The following MYSM1 variants were observed in gnomAD, a reference collection of about 807,000 sequenced individuals.
MYSM1 encodes the protein deubiquitinase MYSM1.
In MYSM1, 51 loss-of-function variants were observed where a neutral mutation model predicts 116.0. The ratio of observed to expected loss-of-function variants is 0.44; its 90% CI spans 0.35 to 0.56. The LOEUF is 0.56. Among genes scored for constraint, MYSM1 ranks in the 20% least tolerant of loss-of-function variants. MYSM1 has a pLI of 0.00. For missense variants in MYSM1, 900 were observed against 974.9 expected, an observed-to-expected ratio of 0.92 and a Z score of 1.02; for synonymous variants, 313 against 315.2, an observed-to-expected ratio of 0.99 and a Z score of 0.07.
rs12144611 is a variant in MYSM1 at position 58,695,461 on chromosome 1, G to A, written c.69-254C>T. ...TGACTGCTCACTTCTTTTGGTTCTCGAGAATAAACAATCTCATGAGGAAAA... is the reference window on the plus strand; with the variant it reads ...TGACTGCTCACTTCTTTTGGTTCTCAAGAATAAACAATCTCATGAGGAAAA... On this transcript the variant is annotated intron_variant, in intron 1 of 19. Transcript: ENST00000472487. Among the ~76,000 whole-genome samples the A allele has an allele frequency of 7.7e-3, 1,179 of 152,188 alleles. 13 individuals are homozygous for A. The highest frequency in any genetic ancestry group is 0.03 in the South Asian group (143 of 4,822).
rs1644364133 is a variant in MYSM1, at chr1:58,659,656, C to T, written c.*341G>A. 1 of 166,716 alleles carries T rather than the reference C, an allele frequency of 6.0e-6. No individual in the cohort carries two copies. The highest frequency in any genetic ancestry group is 2.8e-3 in the Middle Eastern group (1 of 360). The allele number at this position is 166,716 out of a possible 1,614,324, so 10.3% of individuals were successfully genotyped here. ...AGATACCACAATGGAACATAAATGACTAGTTCAGGGAAGAAATGACTTAGA... is the reference window on the plus strand; with the variant it reads ...AGATACCACAATGGAACATAAATGATTAGTTCAGGGAAGAAATGACTTAGA... On this transcript the variant is annotated 3_prime_UTR_variant, in exon 20 of 20. Transcript: ENST00000472487.
rs1240904633 is a variant in MYSM1, at chr1:58,658,425, A to C, written c.*1572T>G. ...GTCCAACGATTAGAATGAACAATAA[A>C]ATTTTAGTTCTGGAAGGACATTAAG... On this transcript the variant is annotated 3_prime_UTR_variant, in exon 20 of 20. Transcript: ENST00000472487. The C allele has an allele frequency of 6.6e-6, 1 of 151,938 alleles. No individual in the cohort carries two copies. Among genetic ancestry groups the C allele is most frequent in the African/African-American group, 2.4e-5 (1 of 41,234 alleles). 9.4% of individuals were successfully genotyped at this position (151,938 alleles called of 1,614,324 possible). A position where few individuals can be genotyped will look rare whatever the true frequency, so the allele number is the denominator to read the frequency against.
In MYSM1 at chr1:58,661,414, G is replaced by A. The variant is rs7523134; in HGVS notation, c.2262C>T (p.Leu754=). 434,809 of 1,553,644 alleles carry A rather than the reference G, an allele frequency of 0.28. 62,560 individuals carry two copies. Among genetic ancestry groups the A allele is most frequent in the Middle Eastern group, 0.34 (2,030 of 5,948 alleles). ...KTRWIIEKYR[L]SHSSVPMDKI... is the part of the protein sequence containing the mutation. The stretch of plus-strand genomic sequence containing the variant: ...CAAACCACAGTACATACCTATGGGA[G>A]AGCCTGTATTTTTCTATTATCCATC... Residue 754 remains leucine, a synonymous_variant, in exon 18 of 20, where the codon CTC becomes CTT. Transcript: ENST00000472487.
chr1:58,667,721 T>G, intron 15 of MYSM1, 126 bp downstream of exon 15: 1 of 626,716 alleles, frequency 1.6e-6, no homozygotes, highest in Non-Finnish European at 2.8e-6. Flanking sequence ...TTGCTACATT[T>G]GCATATTCTC....
intron 8 of MYSM1, among the ~76,000 whole-genome samples, chr1:58,678,034 T>G (rs1462818685): frequency 1.3e-5 from 2 of 152,192 alleles, no homozygotes; most frequent in African/African-American, 4.8e-5. Context: ...GTAAAATTTC[T>G]AACCTTACAG....
At chr1:58,697,786 T>C (rs1569816809) in intron 1 of MYSM1, among the ~76,000 whole-genome samples, 1 of 151,256 alleles carries the variant, frequency 6.6e-6, no homozygotes, top group South Asian at 2.1e-4. Context: ...ACGGGGTTTC[T>C]CCATGTTGGT....
At chr1:58,697,658 C>T (rs531034519) in intron 1 of MYSM1, among the ~76,000 whole-genome samples, 18 of 151,234 alleles carry the variant, frequency 1.2e-4, no homozygotes, top group African/African-American at 4.1e-4. Context: ...GGCGCGATCT[C>T]GGCTCACTGC....
At position 58,695,117 on chromosome 1, in the gene MYSM1, T is replaced by C. The variant is rs1223795054; in HGVS notation, c.147+12A>G. The C allele has an allele frequency of 1.3e-6, 2 of 1,538,626 alleles. No individual in the cohort carries two copies. Among genetic ancestry groups the C allele is most frequent in the Non-Finnish European group, 1.8e-6 (2 of 1,113,660 alleles). The stretch of plus-strand genomic sequence containing the variant: ...CAGCTTAATGCACCTGATATTTTTA[T>C]AAAATACTTACAATAAGGCCATTCT... On this transcript the variant is annotated intron_variant, in intron 2 of 19. Coordinates refer to ENST00000472487, the MANE Select transcript of MYSM1 (RefSeq NM_001085487.3).
intron 13 of MYSM1, 145 bp downstream of exon 13, chr1:58,668,839 T>C (rs1404890028): frequency 2.0e-6 from 2 of 994,630 alleles, no homozygotes; most frequent in East Asian, 5.2e-5. Context: ...AACATTATGA[T>C]TTAAAATTCC....
At position 58,690,303 on chromosome 1, in the gene MYSM1, A is replaced by C. The variant is rs780312765; in HGVS notation, c.296+37T>G. 3.2e-6 allele frequency: 5 copies of C among 1,581,392 alleles called. No homozygotes were observed. The East Asian group carries it at 1.1e-4, about 36-fold the overall frequency. ...AAGCGTGTGAGGTTTCTAAAACTAC[A>C]ATCCAGACTTTTAGAAATATTATAA... On this transcript the variant is annotated intron_variant, in intron 4 of 19. Transcript: ENST00000472487.
rs758928082 is a variant in MYSM1, at chr1:58,685,268, G to GA, written c.400-18_400-17insT. ...AAATTTAGCCTGTATTATTAAAATG[G>GA]GAAAAAAAATTGCTTTTGATGAATT... On this transcript the variant is annotated splice_polypyrimidine_tract_variant and intron_variant, in intron 6 of 19. Transcript: ENST00000472487. 498 of 1,521,564 alleles carry GA rather than the reference G, an allele frequency of 3.3e-4. 1 individual carries two copies. The highest frequency in any genetic ancestry group is 5.1e-4 in the Admixed American group (26 of 50,936). 94.3% of individuals were successfully genotyped at this position (1,521,564 alleles called of 1,614,324 possible).
chr1:58,666,290 G>A (rs1321516068), intron 16 of MYSM1, among the ~76,000 whole-genome samples: 1 of 152,072 alleles, frequency 6.6e-6, no homozygotes, highest in Non-Finnish European at 1.5e-5. Flanking sequence ...ATACCCTACA[G>A]CAAACCCAGT....
At chr1:58,663,321 A>G (rs374117738) in intron 17 of MYSM1, among the ~76,000 whole-genome samples, 2,978 of 34,930 alleles carry the variant, frequency 0.085, 94 homozygotes, top group African/African-American at 0.24. Flanking sequence ...TTTAAAGTCA[A>G]TAAGTTTCTT....
chr1:58,658,535 A>G lies in MYSM1; in HGVS notation c.*1462T>C, dbSNP rs1163444361. 1 of 152,148 alleles carries G rather than the reference A, an allele frequency of 6.6e-6. No homozygotes were observed. Among genetic ancestry groups the G allele is most frequent in the Non-Finnish European group, 1.5e-5 (1 of 68,022 alleles). The allele number at this position is 152,148 out of a possible 1,614,324, so 9.4% of individuals were successfully genotyped here. A position where few individuals can be genotyped will look rare whatever the true frequency, so the allele number is the denominator to read the frequency against. On this transcript the variant is annotated 3_prime_UTR_variant, in exon 20 of 20. Coordinates refer to ENST00000472487, the MANE Select transcript of MYSM1 (RefSeq NM_001085487.3). ...CCCCAAATCACAAAGTTGAGACAAG[A>G]ACCAGGTCACCTAAAGCTGACTCAC... is the stretch of plus-strand genomic sequence containing the variant.
intron 5 of MYSM1, 79 bp downstream of exon 5, chr1:58,690,147 A>G: frequency 8.2e-7 from 1 of 1,219,512 alleles, no homozygotes; most frequent in Non-Finnish European, 1.1e-6. Context: ...TCCACAGGCC[A>G]ACTATAATTA....
intron 8 of MYSM1, among the ~76,000 whole-genome samples, chr1:58,680,945 C>T (rs1334081503): frequency 1.3e-5 from 2 of 152,010 alleles, no homozygotes; most frequent in Non-Finnish European, 2.9e-5. Context: ...CCTCAGCATC[C>T]TGAGTAGCTG....
chr1:58,693,236 T>G (rs1183995279), intron 2 of MYSM1, among the ~76,000 whole-genome samples: 1 of 152,202 alleles, frequency 6.6e-6, no homozygotes, highest in Non-Finnish European at 1.5e-5. Context: ...AAGGAATCAT[T>G]TGTTAGGCAT....
intron 7 of MYSM1, 97 bp from the exon 8 acceptor site, chr1:58,682,642 C>A (rs369370828): frequency 1.8e-6 from 2 of 1,140,582 alleles, no homozygotes. Context: ...TGTTATTAAA[C>A]TGAATACATG....
intron 3 of MYSM1, among the ~76,000 whole-genome samples, chr1:58,691,853 C>T (rs896569694): frequency 6.6e-5 from 10 of 151,806 alleles, no homozygotes; most frequent in African/African-American, 1.9e-4. Context: ...GGTGACAAGG[C>T]GAGATTCCGT....
Sources: gnomAD v4.1 joint callset for allele counts (sites outside exome capture counted in the v4.1 genomes callset) on GRCh38, gnomAD v4.1.1 for gene constraint, MANE v1.5 for transcripts, NCBI Gene and HGNC (gene_info 2026-07-23, HGNC 2026-07-21) for gene names.